The following RANBP17 variants were observed in gnomAD, a reference collection of about 807,000 sequenced individuals.
RANBP17 encodes RAN binding protein 17.
RANBP17 carries 158 observed loss-of-function variants against 141.2 expected under a neutral mutation model. That is an observed-to-expected ratio of 1.12 (90% CI 0.98 to 1.28). The LOEUF is 1.28. Among genes scored for constraint, RANBP17 ranks in the 50% most tolerant of loss-of-function variants. The probability of loss-of-function intolerance (pLI) is 0.00; values close to 1 mark genes in which losing one functional copy is unlikely to be tolerated. For synonymous variants in RANBP17, 430 were observed against 450.0 expected (o/e 0.96, Z 0.56); for missense variants, 1,438 against 1,290.7 (o/e 1.11, Z -1.75).
chr5:171,052,777 TTG>T (rs1783039618), intron 14 of RANBP17, among the ~76,000 whole-genome samples: 1 of 152,236 alleles, frequency 6.6e-6, no homozygotes, highest in Non-Finnish European at 1.5e-5. Context: ...TTGATAGGTA[TTG>T]TGTTTAATCT....
Position 171,277,637 on chromosome 5 carries a change from G to GTGTGTATATATATATATATATATATA in RANBP17, c.2943+11791_2943+11792insGTGTATATATATATATATATATATAT, listed in dbSNP as rs1437482589. Among the ~76,000 whole-genome samples, 32 of 56,916 alleles carry GTGTGTATATATATATATATATATATA rather than the reference G, an allele frequency of 5.6e-4. 1 individual carries two copies. Among genetic ancestry groups the GTGTGTATATATATATATATATATATA allele is most frequent in the African/African-American group, 9.3e-4 (16 of 17,218 alleles). The allele number at this position is 56,916 out of a possible 152,430, so 37.3% of individuals were successfully genotyped here. On this transcript the variant is annotated intron_variant, in intron 25 of 27. Coordinates refer to ENST00000523189, the MANE Select transcript of RANBP17 (RefSeq NM_022897.5). ...GTGCCTTACGTATACATATATGTAT[G>GTGTGTATATATATATATATATATATA]TATATATATATATATATATATATAT...
intron 14 of RANBP17, among the ~76,000 whole-genome samples, chr5:171,153,879 T>G (rs1391911344): frequency 6.6e-6 from 1 of 151,608 alleles, no homozygotes; most frequent in Non-Finnish European, 1.5e-5. Flanking sequence ...AATACAAAAT[T>G]AGCCAGGCAT....
chr5:171,205,963 A>C, intron 20 of RANBP17: 1 of 378,434 alleles, frequency 2.6e-6, no homozygotes, highest in South Asian at 2.1e-5. Flanking sequence ...TTGAATCTCC[A>C]TCTCAATTAG....
intron 19 of RANBP17, among the ~76,000 whole-genome samples, chr5:171,204,327 G>A (rs1201597270): frequency 1.3e-5 from 2 of 152,096 alleles, no homozygotes; most frequent in Non-Finnish European, 2.9e-5. Flanking sequence ...AGAAATTCTA[G>A]ATACTTCTGA....
intron 14 of RANBP17, among the ~76,000 whole-genome samples, chr5:171,065,851 A>G (rs75868606): frequency 1.3e-5 from 2 of 150,712 alleles, no homozygotes; most frequent in South Asian, 2.1e-4. Flanking sequence ...TTTCCTAGCT[A>G]TTCTTGTGTT....
At chr5:171,228,386 G>T (rs1764003888) in intron 22 of RANBP17, among the ~76,000 whole-genome samples, 1 of 152,224 alleles carries the variant, frequency 6.6e-6, no homozygotes, top group Non-Finnish European at 1.5e-5. Context: ...TAGAAGTGGA[G>T]ACTGAAGATG....
At chr5:170,904,009 C>T (rs992345031) in intron 5 of RANBP17, 5 of 482,430 alleles carry the variant, frequency 1.0e-5, no homozygotes, top group Non-Finnish European at 2.0e-5. Context: ...CAGATGTTTT[C>T]AAATGCCTTT....
chr5:171,169,196 CAGAG>C (rs1424573772), intron 14 of RANBP17, among the ~76,000 whole-genome samples: 3 of 152,044 alleles, frequency 2.0e-5, no homozygotes, highest in African/African-American at 4.8e-5. Flanking sequence ...AAACAAAAGA[CAGAG>C]GGAATAGAAG....
chr5:170,963,766 A>C (rs1776316351), intron 13 of RANBP17, among the ~76,000 whole-genome samples: 1 of 152,238 alleles, frequency 6.6e-6, no homozygotes, highest in African/African-American at 2.4e-5. Context: ...GGTTCCTAAC[A>C]GGCCACAGAC....
Position 171,295,893 on chromosome 5 carries a change from A to T in RANBP17, c.3049A>T (p.Ser1017Cys). The change falls in exon 27 of 28, where the codon AGT becomes TGT. Residue 1017 changes from serine to cysteine, a missense_variant. Physicochemically the swap from Ser to Cys is moderately radical, Grantham distance 112 (BLOSUM62 -1). Coordinates refer to ENST00000523189, the MANE Select transcript of RANBP17 (RefSeq NM_022897.5). Reference sequence around the variant, plus strand: ...CTATTCTGTCTCCCATCAGTATTTCAGTGAACTGAGAGCAAGTTTGATAAA... The same window carrying T: ...CTATTCTGTCTCCCATCAGTATTTCTGTGAACTGAGAGCAAGTTTGATAAA... ...GLILLNEKYFSELRASLINSQ... is the reference protein window; with the variant it reads ...GLILLNEKYFCELRASLINSQ... The T allele has an allele frequency of 6.2e-7, 1 of 1,613,088 alleles. No homozygotes were observed.
At chr5:171,071,091 A>G (rs900959974) in intron 14 of RANBP17, among the ~76,000 whole-genome samples, 2 of 152,266 alleles carry the variant, frequency 1.3e-5, no homozygotes, top group South Asian at 4.1e-4. Context: ...TTGCCTTCCA[A>G]AAAGATTGAA....
chr5:171,207,213 A>G (rs537813181), intron 20 of RANBP17: 19 of 153,852 alleles, frequency 1.2e-4, no homozygotes, highest in African/African-American at 3.8e-4. Flanking sequence ...ATAAAAGTCT[A>G]CTTTGGGCAC....
intron 5 of RANBP17, among the ~76,000 whole-genome samples, chr5:170,898,409 G>T (rs1370781402): frequency 6.6e-6 from 1 of 151,982 alleles, no homozygotes; most frequent in African/African-American, 2.4e-5. Flanking sequence ...TAAGTTCCTT[G>T]TAGATTCTGG....
At chr5:170,899,248 T>C (rs1243632963) in intron 5 of RANBP17, among the ~76,000 whole-genome samples, 1 of 152,156 alleles carries the variant, frequency 6.6e-6, no homozygotes, top group Non-Finnish European at 1.5e-5. Context: ...CCCTTGTAAA[T>C]TGGATTCCTA....
intron 23 of RANBP17, among the ~76,000 whole-genome samples, chr5:171,241,985 CTTTT>C (rs925508018): frequency 6.6e-6 from 1 of 151,100 alleles, no homozygotes; most frequent in Non-Finnish European, 1.5e-5. Flanking sequence ...TCTGGTTTCT[CTTTT>C]TTTCTTTTTT....
intron 14 of RANBP17, among the ~76,000 whole-genome samples, chr5:171,067,049 G>T (rs966403685): frequency 6.6e-6 from 1 of 152,220 alleles, no homozygotes; most frequent in Non-Finnish European, 1.5e-5. Flanking sequence ...CCACTTAGTT[G>T]TGCTATTTTG....
chr5:170,889,761 T>C (rs1351953315), intron 3 of RANBP17, among the ~76,000 whole-genome samples: 2 of 152,210 alleles, frequency 1.3e-5, no homozygotes, highest in Admixed American at 6.5e-5. Context: ...CCCAGCTGTT[T>C]GTTGTGGTTG....
rs566149274 is a variant in RANBP17, at chr5:171,205,535, C to T, written c.2154C>T (p.Ile718=). The change falls in exon 20 of 28, where the codon ATC becomes ATT. Residue 718 remains isoleucine (I), a synonymous_variant. Transcript: ENST00000523189. ...TTTCCCACTGACAGCGTATGTTGAT[C>T]GGGCTGGCAAGAGATCTTCGAGGGA... ...FKQEDVKRML[I]GLARDLRGIA... is the part of the protein sequence containing the mutation. 5.0e-5 allele frequency: 80 copies of T among 1,613,686 alleles called. 4 individuals carry two copies. In the South Asian group the frequency reaches 7.5e-4, roughly 15 times the overall value.
At chr5:171,049,677 C>T (rs1200320547) in intron 14 of RANBP17, among the ~76,000 whole-genome samples, 1 of 152,008 alleles carries the variant, frequency 6.6e-6, no homozygotes, top group Non-Finnish European at 1.5e-5. Flanking sequence ...AGTTTCAATC[C>T]TCTGCATGTG....
Sources: gnomAD v4.1 joint callset for allele counts (sites outside exome capture counted in the v4.1 genomes callset) on GRCh38, gnomAD v4.1.1 for gene constraint, MANE v1.5 for transcripts, NCBI Gene and HGNC (gene_info 2026-07-23, HGNC 2026-07-21) for gene names.